RPRD1B: variants seen among roughly 807,000 people sequenced by gnomAD.
The protein encoded by RPRD1B is regulation of nuclear pre-mRNA domain containing 1B, also known as regulation of nuclear pre-mRNA domain-containing protein 1B.
Under a neutral mutation model 41.5 loss-of-function variants are expected in RPRD1B, and 11 were observed. The ratio of observed to expected loss-of-function variants is 0.27; its 90% confidence interval spans 0.17 to 0.44. The LOEUF is 0.44. Ranked by LOEUF, RPRD1B falls within the 20% of genes least tolerant of loss-of-function variation. RPRD1B has a pLI of 1.00. For missense variants in RPRD1B, 248 were observed against 389.9 expected (o/e 0.64, Z 3.06); for synonymous variants, 158 against 155.6 (o/e 1.02, Z -0.12).
chr20:38,034,723 C>T (rs1190657892), intron 1 of RPRD1B, among the ~76,000 whole-genome samples: 6 of 151,966 alleles, frequency 3.9e-5, no homozygotes, highest in East Asian at 1.9e-4. Flanking sequence ...CCAGACCTTA[C>T]CTCTCCTCTC....
chr20:38,090,444 C>T lies in RPRD1B; in HGVS notation c.*569C>T, dbSNP rs546919919. On this transcript the variant is annotated 3_prime_UTR_variant, in exon 7 of 7. Coordinates refer to ENST00000373433, the MANE Select transcript of RPRD1B (RefSeq NM_021215.4). Reference sequence around the variant, plus strand: ...TTCCATTGCTTCTCCTAGTGATGCACGAAGATTAGGTGCATTTATTTTGTA... The same window carrying T: ...TTCCATTGCTTCTCCTAGTGATGCATGAAGATTAGGTGCATTTATTTTGTA... The T allele has an allele frequency of 4.4e-5, 43 of 985,878 alleles. 1 individual carries two copies. The South Asian group carries it at 1.4e-3, about 32-fold the overall frequency. The allele number at this position is 985,878 out of a possible 1,614,324, so 61.1% of individuals were successfully genotyped here. A position where few individuals can be genotyped will look rare whatever the true frequency, so the allele number is the denominator to read the frequency against.
rs2074614969 is a variant in RPRD1B, at chr20:38,091,897, A to G, written c.*2022A>G. 1.0e-6 allele frequency: 1 copy of G among 985,730 alleles called. No homozygotes were observed. The allele number at this position is 985,730 out of a possible 1,614,324, so 61.1% of individuals were successfully genotyped here. On this transcript the variant is annotated 3_prime_UTR_variant, in exon 7 of 7. Coordinates refer to ENST00000373433, the MANE Select transcript of RPRD1B (RefSeq NM_021215.4). Reference sequence around the variant, plus strand: ...AAAGTTAAGAAATGAAACTGTAGCAATTATGTAAATGAATGTGTTGGCCTC... The same window carrying G: ...AAAGTTAAGAAATGAAACTGTAGCAGTTATGTAAATGAATGTGTTGGCCTC...
intron 2 of RPRD1B, among the ~76,000 whole-genome samples, chr20:38,047,091 A>G (rs2074128323): frequency 6.6e-6 from 1 of 152,204 alleles, no homozygotes; most frequent in Non-Finnish European, 1.5e-5. Context: ...ATTTCCGGAT[A>G]TATTTTGAAG....
intron 2 of RPRD1B, among the ~76,000 whole-genome samples, chr20:38,041,765 A>G (rs1057482094): frequency 7.9e-5 from 12 of 152,208 alleles, no homozygotes; most frequent in African/African-American, 2.7e-4. Context: ...CTAACTGGCT[A>G]AAGGGGGAGG....
intron 6 of RPRD1B, among the ~76,000 whole-genome samples, chr20:38,078,460 C>T (rs2074484967): frequency 6.6e-6 from 1 of 152,114 alleles, no homozygotes; most frequent in Non-Finnish European, 1.5e-5. Context: ...TCCTCAGACC[C>T]CACCCCAACC....
At chr20:38,052,997 A>G (rs1272405163) in intron 3 of RPRD1B, among the ~76,000 whole-genome samples, 1 of 152,090 alleles carries the variant, frequency 6.6e-6, no homozygotes, top group Non-Finnish European at 1.5e-5. Flanking sequence ...AGCTGAGTAC[A>G]AGGCCTGCTG....
chr20:38,037,683 A>G (rs1262537292), intron 1 of RPRD1B, among the ~76,000 whole-genome samples: 1 of 152,160 alleles, frequency 6.6e-6, no homozygotes, highest in Non-Finnish European at 1.5e-5. Context: ...ATGGAGGGAT[A>G]CAGTTTATCC....
At position 38,091,321 on chromosome 20, in the gene RPRD1B, A is replaced by C; in HGVS notation, c.*1446A>C. On this transcript the variant is annotated 3_prime_UTR_variant, in exon 7 of 7. Coordinates refer to ENST00000373433, the MANE Select transcript of RPRD1B (RefSeq NM_021215.4). The stretch of plus-strand genomic sequence containing the variant: ...ACATGTAATTTTACATGTTAAACAC[A>C]TTGAAACATAACCTATGTTTATAAA... 1 of 979,032 alleles carries C rather than the reference A, an allele frequency of 1.0e-6. No homozygotes were observed. The highest frequency in any genetic ancestry group is 1.2e-6 in the Non-Finnish European group (1 of 825,648). The allele number at this position is 979,032 out of a possible 1,614,324, so 60.6% of individuals were successfully genotyped here. A position where few individuals can be genotyped will look rare whatever the true frequency, so the allele number is the denominator to read the frequency against.
chr20:38,075,792 G>A lies in RPRD1B; in HGVS notation c.831+9536G>A, dbSNP rs2074453437. Among the ~76,000 whole-genome samples the A allele has an allele frequency of 2.6e-5, 4 of 152,192 alleles. No homozygotes were observed. In the South Asian group the frequency reaches 8.3e-4, roughly 32 times the overall value. ...TCAAGTGAAACCTTTGCAGATGAAA[G>A]CCATGAGCCCCAAAGATATGGCATG... On this transcript the variant is annotated intron_variant, in intron 6 of 6. Coordinates refer to ENST00000373433, the MANE Select transcript of RPRD1B (RefSeq NM_021215.4).
At chr20:38,048,063 C>T (rs1720424581) in intron 2 of RPRD1B, among the ~76,000 whole-genome samples, 1 of 152,172 alleles carries the variant, frequency 6.6e-6, no homozygotes, top group Non-Finnish European at 1.5e-5. Context: ...AGCAAGCTAT[C>T]ACAACTGATA....
chr20:38,061,702 G>C (rs1341868146), intron 5 of RPRD1B, among the ~76,000 whole-genome samples: 5 of 152,116 alleles, frequency 3.3e-5, no homozygotes, highest in East Asian at 1.9e-4. Context: ...TCTACTTCCC[G>C]TCCTCCCAGT....
rs1454280520 is a variant in RPRD1B at position 38,091,894 on chromosome 20, G to A, written c.*2019G>A. On this transcript the variant is annotated 3_prime_UTR_variant, in exon 7 of 7. Transcript: ENST00000373433. ...GCAAAAGTTAAGAAATGAAACTGTAGCAATTATGTAAATGAATGTGTTGGC... is the reference window on the plus strand; with the variant it reads ...GCAAAAGTTAAGAAATGAAACTGTAACAATTATGTAAATGAATGTGTTGGC... 1 of 985,712 alleles carries A rather than the reference G, an allele frequency of 1.0e-6. No individual in the cohort carries two copies. Among genetic ancestry groups the A allele is most frequent in the Non-Finnish European group, 1.2e-6 (1 of 829,884 alleles). The allele number at this position is 985,712 out of a possible 1,614,324, so 61.1% of individuals were successfully genotyped here.
Position 38,038,455 on chromosome 20 carries a change from G to T in RPRD1B, c.152-1980G>T, listed in dbSNP as rs1209235578. Among the ~76,000 whole-genome samples the T allele has an allele frequency of 2.7e-5, 4 of 148,690 alleles. 1 individual carries two copies. Among genetic ancestry groups the T allele is most frequent in the South Asian group, 4.2e-4 (2 of 4,706 alleles). On this transcript the variant is annotated intron_variant, in intron 1 of 6. Coordinates refer to ENST00000373433, the MANE Select transcript of RPRD1B (RefSeq NM_021215.4). ...CTCCCAAGTAGCTGGGTTTACAGGC[G>T]CCTGGCACCACGCCCGGCTGATTTT... is the stretch of plus-strand genomic sequence containing the variant.
intron 5 of RPRD1B, 127 bp downstream of exon 5, chr20:38,059,647 C>A: frequency 1.1e-6 from 1 of 881,998 alleles, no homozygotes; most frequent in Non-Finnish European, 1.6e-6. Context: ...GCTCTACCAT[C>A]TTGGGATTTG....
In RPRD1B at chr20:38,090,233, G is replaced by C. The variant is rs2074601649; in HGVS notation, c.*358G>C. The C allele has an allele frequency of 1.0e-6, 1 of 998,564 alleles. No individual in the cohort carries two copies. Among genetic ancestry groups the C allele is most frequent in the South Asian group, 4.6e-5 (1 of 21,830 alleles). 61.9% of individuals were successfully genotyped at this position (998,564 alleles called of 1,614,324 possible). A position where few individuals can be genotyped will look rare whatever the true frequency, so the allele number is the denominator to read the frequency against. On this transcript the variant is annotated 3_prime_UTR_variant, in exon 7 of 7. Coordinates refer to ENST00000373433, the MANE Select transcript of RPRD1B (RefSeq NM_021215.4). ...CTTTCGAAAGAATCTTGTCCCTCAT[G>C]ACAGCATTTTATCATGAAAGCAGCT...
intron 3 of RPRD1B, among the ~76,000 whole-genome samples, chr20:38,053,627 C>T (rs1433580913): frequency 1.3e-5 from 2 of 152,072 alleles, no homozygotes; most frequent in East Asian, 1.9e-4. Flanking sequence ...CATTAGAAGC[C>T]CCTTAAGGTT....
chr20:38,065,963 G>A, intron 5 of RPRD1B, 118 bp from the exon 6 acceptor site: 1 of 964,936 alleles, frequency 1.0e-6, no homozygotes, highest in Non-Finnish European at 1.5e-6. Context: ...ACAGGTGCTG[G>A]CTTATTCTCA....
intron 1 of RPRD1B, among the ~76,000 whole-genome samples, chr20:38,035,592 G>A (rs1038148285): frequency 1.3e-5 from 2 of 152,220 alleles, no homozygotes; most frequent in East Asian, 3.9e-4. Context: ...TCAGCCCTTC[G>A]GGCAGTTCCG....
At chr20:38,076,799 G>A (rs2074464644) in intron 6 of RPRD1B, among the ~76,000 whole-genome samples, 1 of 149,374 alleles carries the variant, frequency 6.7e-6, no homozygotes, top group Non-Finnish European at 1.5e-5. Context: ...TCTGGTTTCT[G>A]TGTACCACCC....
Sources: allele counts gnomAD v4.1 joint callset (sites outside exome capture counted in the v4.1 genomes callset), GRCh38; gene constraint gnomAD v4.1.1; transcripts MANE v1.5; gene names NCBI Gene and HGNC (gene_info 2026-07-23, HGNC 2026-07-21).